Variants in KLHL2 observed in about 807,000 individuals in gnomAD.
KLHL2 encodes the protein kelch-like protein 2.
A neutral mutation model predicts 75.8 loss-of-function variants in KLHL2; 15 were observed. The observed-to-expected ratio is 0.20, with a 90% CI of 0.13 to 0.30. The LOEUF (loss-of-function observed/expected upper bound fraction) is 0.30, where lower values mean the gene tolerates loss of function less well. KLHL2 is among the 10% of genes least tolerant of loss of function. KLHL2 has a pLI of 1.00. For missense variants in KLHL2, 381 were observed against 741.0 expected (o/e 0.51, Z 5.64); for synonymous variants, 214 against 251.9 (o/e 0.85, Z 1.42).
chr4:165,240,161 G>T (rs534430621), intron 4 of KLHL2, among the ~76,000 whole-genome samples: 2 of 152,320 alleles, frequency 1.3e-5, no homozygotes, highest in Admixed American at 1.3e-4. Context: ...ATCTGAAAAT[G>T]TGTGTTTATT....
chr4:165,276,927 A>C (rs1743164624), intron 5 of KLHL2, among the ~76,000 whole-genome samples: 1 of 151,668 alleles, frequency 6.6e-6, no homozygotes, highest in Non-Finnish European at 1.5e-5. Flanking sequence ...AGTATTCCAC[A>C]GTTTCTTCTT....
rs188069479 is a variant in KLHL2 at position 165,271,755 on chromosome 4, C to A, written c.544+8396C>A. Among the ~76,000 whole-genome samples the A allele has an allele frequency of 3.7e-3, 570 of 152,320 alleles. 5 individuals are homozygous for A. The highest frequency in any genetic ancestry group is 0.013 in the African/African-American group (551 of 41,566). ...GAAGTTACAATCCACCAACTGCCTGCAAGACTCTGCTTTGCATCTATGAGA... is the reference window on the plus strand; with the variant it reads ...GAAGTTACAATCCACCAACTGCCTGAAAGACTCTGCTTTGCATCTATGAGA... On this transcript the variant is annotated intron_variant, in intron 5 of 14. Transcript: ENST00000226725.
chr4:165,299,726 G>A (rs1745205263), intron 8 of KLHL2, 70 bp downstream of exon 8: 2 of 1,364,084 alleles, frequency 1.5e-6, no homozygotes, highest in Non-Finnish European at 2.0e-6. Context: ...TTAGTATTTT[G>A]CTCATTTGAA....
At chr4:165,311,902 T>C (rs536424168) in intron 11 of KLHL2, among the ~76,000 whole-genome samples, 2 of 151,848 alleles carry the variant, frequency 1.3e-5, no homozygotes, top group East Asian at 3.9e-4. Flanking sequence ...GTTTGACTTA[T>C]ATAACAGCAG....
intron 5 of KLHL2, among the ~76,000 whole-genome samples, chr4:165,286,939 G>GT (rs897375523): frequency 1.3e-5 from 2 of 152,044 alleles, no homozygotes; most frequent in Non-Finnish European, 2.9e-5. Flanking sequence ...TTTTATTTTT[G>GT]TTTTTTAATT....
intron 5 of KLHL2, chr4:165,279,118 C>T: frequency 6.3e-7 from 1 of 1,599,546 alleles, no homozygotes; most frequent in East Asian, 2.2e-5. Flanking sequence ...AATCAATAGT[C>T]CCAAAAAGAG....
At chr4:165,321,520 CAGTA>C (rs1746978050) in intron 14 of KLHL2, 1 of 309,050 alleles carries the variant, frequency 3.2e-6, no homozygotes, top group Non-Finnish European at 6.3e-6. Context: ...TTGACTGTAT[CAGTA>C]AGGCGTTTGG....
chr4:165,310,894 G>A (rs1303360960), intron 10 of KLHL2, 144 bp downstream of exon 10: 35 of 636,882 alleles, frequency 5.5e-5, no homozygotes, highest in Admixed American at 4.5e-4. Context: ...TTGCTCCGTC[G>A]CCCAGGCTGG....
At chr4:165,311,349 C>T (rs974787975) in intron 10 of KLHL2, 115 bp from the exon 11 acceptor site, 2 of 682,848 alleles carry the variant, frequency 2.9e-6, no homozygotes, top group Non-Finnish European at 5.0e-6. Context: ...TTATGTTCCA[C>T]CATTTTCTTC....
At chr4:165,221,863 T>C (rs1738022918) in intron 2 of KLHL2, among the ~76,000 whole-genome samples, 1 of 152,224 alleles carries the variant, frequency 6.6e-6, no homozygotes, top group South Asian at 2.1e-4. Context: ...AATCCTGTTT[T>C]GACAGTAGTT....
At chr4:165,299,847 C>T (rs1745216769) in intron 8 of KLHL2, among the ~76,000 whole-genome samples, 191 bp downstream of exon 8, 1 of 152,100 alleles carries the variant, frequency 6.6e-6, no homozygotes, top group African/African-American at 2.4e-5. Flanking sequence ...GGTGGGGATT[C>T]TTTGGTCCGT....
intron 5 of KLHL2, chr4:165,278,668 A>T: frequency 1.3e-6 from 2 of 1,599,952 alleles, no homozygotes; most frequent in East Asian, 4.5e-5. Flanking sequence ...GAATAACAGC[A>T]CCAGCTATAG....
intron 5 of KLHL2, chr4:165,278,217 C>T (rs762851140): frequency 1.6e-5 from 19 of 1,204,280 alleles, no homozygotes; most frequent in Non-Finnish European, 2.2e-5. Flanking sequence ...GACAAATCCT[C>T]AGGTTCAAGA....
intron 2 of KLHL2, among the ~76,000 whole-genome samples, chr4:165,221,434 G>A (rs1187244725): frequency 2.6e-5 from 4 of 152,170 alleles, no homozygotes; most frequent in African/African-American, 9.7e-5. Flanking sequence ...CAGGCATTGG[G>A]AATGCTGTGC....
intron 9 of KLHL2, among the ~76,000 whole-genome samples, chr4:165,308,395 C>T (rs1745890831): frequency 6.6e-6 from 1 of 152,172 alleles, no homozygotes; most frequent in Non-Finnish European, 1.5e-5. Context: ...ATTTTATCTT[C>T]ATCATGCCCT....
At chr4:165,209,618 A>G (rs1737065637) in intron 1 of KLHL2, among the ~76,000 whole-genome samples, 1 of 152,176 alleles carries the variant, frequency 6.6e-6, no homozygotes. Context: ...AATTTTGATG[A>G]CCAGCGCCAT....
intron 4 of KLHL2, among the ~76,000 whole-genome samples, chr4:165,243,526 ATTAT>A (rs1739988841): frequency 1.3e-5 from 2 of 152,250 alleles, no homozygotes; most frequent in African/African-American, 4.8e-5. Flanking sequence ...ATGAATTGGA[ATTAT>A]TTGAGACGGA....
rs905024157 is a variant in KLHL2, at chr4:165,244,650, C to A, written c.381+5751C>A. On this transcript the variant is annotated intron_variant, in intron 4 of 14. Transcript: ENST00000226725. Reference sequence around the variant, plus strand: ...CTACAAAAACAAACAAACAAACAAACAAACAAAAAAGGAACAGGGAACAAA... The same window carrying A: ...CTACAAAAACAAACAAACAAACAAAAAAACAAAAAAGGAACAGGGAACAAA... Among the ~76,000 whole-genome samples, 18 of 150,084 alleles carry A rather than the reference C, an allele frequency of 1.2e-4. 1 individual carries two copies. Among genetic ancestry groups the A allele is most frequent in the Admixed American group, 7.2e-4 (11 of 15,178 alleles).
intron 4 of KLHL2, among the ~76,000 whole-genome samples, chr4:165,251,191 A>C (rs1740673521): frequency 6.6e-6 from 1 of 151,872 alleles, no homozygotes; most frequent in Non-Finnish European, 1.5e-5. Context: ...TGTTTATGAT[A>C]TAACCATGGG....
Sources: allele counts gnomAD v4.1 joint callset (sites outside exome capture counted in the v4.1 genomes callset), GRCh38; gene constraint gnomAD v4.1.1; transcripts MANE v1.5; gene names NCBI Gene and HGNC (gene_info 2026-07-23, HGNC 2026-07-21).